CNTNAP5: variants seen among roughly 807,000 people sequenced by gnomAD.
CNTNAP5 encodes the protein contactin associated protein family member 5, also known as contactin-associated protein-like 5.
Under a neutral mutation model 150.2 loss-of-function variants are expected in CNTNAP5, and 72 were observed. The observed-to-expected ratio is 0.48, with a 90% confidence interval of 0.40 to 0.58. The LOEUF (loss-of-function observed/expected upper bound fraction) is 0.58, where lower values mean the gene tolerates loss of function less well. CNTNAP5 is among the 20% of genes least tolerant of loss of function. The probability of loss-of-function intolerance (pLI) is 0.00; values close to 1 mark genes in which losing one functional copy is unlikely to be tolerated. For synonymous variants in CNTNAP5, 672 were observed against 619.8 expected (o/e 1.08, Z -1.25); for missense variants, 1,636 against 1,626.2 (o/e 1.01, Z -0.10).
In CNTNAP5 at chr2:124,914,947, T is replaced by G. The variant is rs1010339893; in HGVS notation, c.*659T>G. 2.0e-5 allele frequency: 3 copies of G among 152,030 alleles called. No individual in the cohort carries two copies. In the South Asian group the frequency reaches 6.2e-4, roughly 32 times the overall value. 9.4% of individuals were successfully genotyped at this position (152,030 alleles called of 1,614,324 possible). A position where few individuals can be genotyped will look rare whatever the true frequency, so the allele number is the denominator to read the frequency against. On this transcript the variant is annotated 3_prime_UTR_variant, in exon 24 of 24. Coordinates refer to ENST00000682447, the MANE Select transcript of CNTNAP5 (RefSeq NM_001367498.1). ...CTACTTTGTTCCTTTCTTACCACTC[T>G]CTCCTGGGGCCGACACGTTGGGACA...
intron 10 of CNTNAP5, 115 bp downstream of exon 10, chr2:124,527,571 A>C: frequency 1.3e-6 from 1 of 762,946 alleles, no homozygotes; most frequent in East Asian, 2.8e-5. Flanking sequence ...ATTAGACATA[A>C]TTGAGTTGCC....
intron 3 of CNTNAP5, among the ~76,000 whole-genome samples, chr2:124,321,805 G>T (rs867394715): frequency 5.9e-5 from 9 of 152,078 alleles, no homozygotes; most frequent in Middle Eastern, 3.2e-3. Context: ...GGAAGTTAAG[G>T]CAGGTTCTGT....
Position 124,474,807 on chromosome 2 carries a change from C to T in CNTNAP5, c.987C>T (p.Cys329=). ...TTTTAAAGAAAAACTTCCATGGATG[C>T]ATCGAAAACCTTTACTACAATGGAG... ...GTFLKKNFHG[C]IENLYYNGVN... The change falls in exon 7 of 24, where the codon TGC becomes TGT. Residue 329 remains cysteine (C), a synonymous_variant. Coordinates refer to ENST00000682447, the MANE Select transcript of CNTNAP5 (RefSeq NM_001367498.1). 1 of 1,605,728 alleles carries T rather than the reference C, an allele frequency of 6.2e-7. No homozygotes were observed. Among genetic ancestry groups the T allele is most frequent in the South Asian group, 1.1e-5 (1 of 89,680 alleles).
chr2:124,582,994 G>A (rs574928321), intron 11 of CNTNAP5, among the ~76,000 whole-genome samples: 2 of 152,040 alleles, frequency 1.3e-5, no homozygotes, highest in East Asian at 1.9e-4. Flanking sequence ...TTTAAAAAAG[G>A]CTTTTTTTTC....
chr2:124,909,478 AC>A (rs1678609241), intron 22 of CNTNAP5, among the ~76,000 whole-genome samples: 1 of 152,092 alleles, frequency 6.6e-6, no homozygotes, highest in Non-Finnish European at 1.5e-5. Context: ...ATATATTCTC[AC>A]CATTAAGCTA....
chr2:124,088,897 T>C (rs906792884), intron 1 of CNTNAP5, among the ~76,000 whole-genome samples: 1 of 152,198 alleles, frequency 6.6e-6, no homozygotes, highest in Non-Finnish European at 1.5e-5. Flanking sequence ...TGAGTAAAGA[T>C]AGAGCCACAA....
intron 3 of CNTNAP5, among the ~76,000 whole-genome samples, chr2:124,252,548 G>A (rs983500854): frequency 2.2e-4 from 34 of 152,094 alleles, no homozygotes; most frequent in Admixed American, 2.0e-4. Context: ...TTTTTCTTTG[G>A]TGGGGACTCT....
intron 19 of CNTNAP5, among the ~76,000 whole-genome samples, chr2:124,816,286 G>T (rs1024915857): frequency 2.0e-5 from 3 of 152,078 alleles, no homozygotes; most frequent in Non-Finnish European, 4.4e-5. Context: ...TATCAGCTGG[G>T]ATGTGGTCTC....
intron 1 of CNTNAP5, among the ~76,000 whole-genome samples, chr2:124,037,569 A>C (rs1681259750): frequency 6.6e-6 from 1 of 152,228 alleles, no homozygotes; most frequent in Non-Finnish European, 1.5e-5. Flanking sequence ...TGTCAAGTGA[A>C]ACAAGCCAGT....
At chr2:124,088,285 G>A (rs984100382) in intron 1 of CNTNAP5, among the ~76,000 whole-genome samples, 21 of 151,864 alleles carry the variant, frequency 1.4e-4, no homozygotes, top group Admixed American at 1.3e-4. Flanking sequence ...TTATCATCTC[G>A]TTTTTTATCT....
At chr2:124,131,453 A>G (rs1331263406) in intron 1 of CNTNAP5, among the ~76,000 whole-genome samples, 1 of 152,210 alleles carries the variant, frequency 6.6e-6, no homozygotes, top group Non-Finnish European at 1.5e-5. Flanking sequence ...AAGTAAATTG[A>G]CCACATTAGT....
intron 14 of CNTNAP5, among the ~76,000 whole-genome samples, chr2:124,748,210 C>T (rs1680650389): frequency 1.3e-5 from 2 of 152,060 alleles, no homozygotes; most frequent in South Asian, 4.1e-4. Context: ...AATTATCTTA[C>T]TTTTGCTTCT....
At position 124,331,591 on chromosome 2, in the gene CNTNAP5, T is replaced by C. The variant is rs529195672; in HGVS notation, c.382-85852T>C. ...TTTGTATTTTGGAATTTTTTTTTTTTAAATAAAGGTTTAAAACACTTCATT... is the reference window on the plus strand; with the variant it reads ...TTTGTATTTTGGAATTTTTTTTTTTCAAATAAAGGTTTAAAACACTTCATT... On this transcript the variant is annotated intron_variant, in intron 3 of 23. Coordinates refer to ENST00000682447, the MANE Select transcript of CNTNAP5 (RefSeq NM_001367498.1). Among the ~76,000 whole-genome samples the C allele has an allele frequency of 2.0e-5, 3 of 152,038 alleles. No homozygotes were observed. In the East Asian group the frequency reaches 5.8e-4, roughly 29 times the overall value.
intron 3 of CNTNAP5, among the ~76,000 whole-genome samples, chr2:124,401,104 G>A (rs1225126332): frequency 6.6e-6 from 1 of 152,106 alleles, no homozygotes; most frequent in East Asian, 1.9e-4. Context: ...GACTTCATGT[G>A]ATCCACCTGT....
chr2:124,814,931 C>T lies in CNTNAP5; in HGVS notation c.3217+16611C>T, dbSNP rs766829267. ...AAAAACGTGATCAAGTCATCAGCTCCGTAATGCTAATACTGTTGGTTTTCA... is the reference window on the plus strand; with the variant it reads ...AAAAACGTGATCAAGTCATCAGCTCTGTAATGCTAATACTGTTGGTTTTCA... On this transcript the variant is annotated intron_variant, in intron 19 of 23. Coordinates refer to ENST00000682447, the MANE Select transcript of CNTNAP5 (RefSeq NM_001367498.1). 5.3e-5 allele frequency among the ~76,000 whole-genome samples: 8 copies of T among 152,092 alleles called. No homozygotes were observed. The South Asian group carries it at 8.3e-4, about 16-fold the overall frequency.
intron 1 of CNTNAP5, among the ~76,000 whole-genome samples, chr2:124,102,255 T>C (rs1683082049): frequency 6.6e-6 from 1 of 152,190 alleles, no homozygotes; most frequent in African/African-American, 2.4e-5. Flanking sequence ...GGGGCCACTT[T>C]TCAAAGAAAG....
chr2:124,505,757 T>C (rs897368068), intron 8 of CNTNAP5, among the ~76,000 whole-genome samples: 6 of 151,758 alleles, frequency 4.0e-5, no homozygotes. Flanking sequence ...GTGTATTTAC[T>C]AAGTTGACAA....
intron 1 of CNTNAP5, among the ~76,000 whole-genome samples, chr2:124,135,766 A>G (rs1683959859): frequency 6.6e-6 from 1 of 152,080 alleles, no homozygotes; most frequent in East Asian, 1.9e-4. Context: ...TCGTTTGTTC[A>G]TTTGGGGTTT....
intron 1 of CNTNAP5, among the ~76,000 whole-genome samples, chr2:124,049,328 C>A (rs1426231364): frequency 6.6e-6 from 1 of 152,170 alleles, no homozygotes; most frequent in Non-Finnish European, 1.5e-5. Context: ...GAAAGGCACA[C>A]CGCTTACTCA....
Sources: gnomAD v4.1 joint callset for allele counts (sites outside exome capture counted in the v4.1 genomes callset) on GRCh38, gnomAD v4.1.1 for gene constraint, MANE v1.5 for transcripts, NCBI Gene and HGNC (gene_info 2026-07-23, HGNC 2026-07-21) for gene names.